The following BABAM2 variants were observed in gnomAD, a reference collection of about 807,000 sequenced individuals.
BABAM2 encodes BRISC and BRCA1 A complex member 2.
A neutral mutation model predicts 54.7 loss-of-function variants in BABAM2; 31 were observed. That is an observed-to-expected ratio of 0.57 (90% CI 0.43 to 0.77). The LOEUF (loss-of-function observed/expected upper bound fraction) is 0.77, where lower values mean the gene tolerates loss of function less well. Ranked by LOEUF, BABAM2 falls within the 30% of genes least tolerant of loss-of-function variation. The pLI is 0.00. For missense variants in BABAM2, 364 were observed against 455.8 expected, an observed-to-expected ratio of 0.80 and a Z score of 1.83; for synonymous variants, 167 against 162.9, an observed-to-expected ratio of 1.03 and a Z score of -0.19.
At chr2:28,072,165 T>C (rs1181421979) in intron 6 of BABAM2, among the ~76,000 whole-genome samples, 1 of 151,950 alleles carries the variant, frequency 6.6e-6, no homozygotes, top group Non-Finnish European at 1.5e-5. Flanking sequence ...GGATTACAGA[T>C]GTGAGCCTGG....
rs147578101 is a variant in BABAM2 at position 28,026,045 on chromosome 2, CCAGTTAGA to C, written c.495+626_495+633del. On this transcript the variant is annotated intron_variant, in intron 5 of 11. Transcript: ENST00000379624. Reference sequence around the variant, plus strand: ...AATCACAATGAGATACCATCTCACACCAGTTAGAATGGCCATAATTAAAAAGTCAGGAA... The same window carrying C: ...AATCACAATGAGATACCATCTCACACATGGCCATAATTAAAAAGTCAGGAA... Among the ~76,000 whole-genome samples the C allele has an allele frequency of 1.2e-3, 184 of 152,170 alleles. 1 individual carries two copies. The East Asian group carries it at 0.022, about 18-fold the overall frequency.
At chr2:28,196,646 C>A (rs1426489432) in intron 7 of BABAM2, among the ~76,000 whole-genome samples, 1 of 151,904 alleles carries the variant, frequency 6.6e-6, no homozygotes, top group Non-Finnish European at 1.5e-5. Context: ...AGTTTGAGAC[C>A]AGCCTTGGCA....
chr2:27,913,468 CT>C (rs1478085714), intron 2 of BABAM2, among the ~76,000 whole-genome samples: 2 of 152,110 alleles, frequency 1.3e-5, no homozygotes, highest in Non-Finnish European at 2.9e-5. Flanking sequence ...ATTGGAGATA[CT>C]GTTTTTTAAA....
chr2:27,996,614 A>G (rs1673162471), intron 4 of BABAM2, among the ~76,000 whole-genome samples: 1 of 152,206 alleles, frequency 6.6e-6, no homozygotes, highest in Admixed American at 6.5e-5. Flanking sequence ...AGAATTCATC[A>G]AAGTCTTGAG....
chr2:28,099,495 A>G (rs1666891565), intron 6 of BABAM2, among the ~76,000 whole-genome samples: 1 of 152,182 alleles, frequency 6.6e-6, no homozygotes, highest in African/African-American at 2.4e-5. Context: ...GTGATGAATT[A>G]TATTGTTTTC....
chr2:28,080,518 G>A (rs939398129), intron 6 of BABAM2, among the ~76,000 whole-genome samples: 2 of 152,104 alleles, frequency 1.3e-5, no homozygotes, highest in Non-Finnish European at 2.9e-5. Flanking sequence ...TGAGAGAGAT[G>A]GTAGGTACTC....
At chr2:28,156,592 C>T (rs1400792715) in intron 7 of BABAM2, among the ~76,000 whole-genome samples, 2 of 151,974 alleles carry the variant, frequency 1.3e-5, no homozygotes, top group African/African-American at 2.4e-5. Context: ...AGTTATCCTA[C>T]AAAATAATTA....
intron 10 of BABAM2, among the ~76,000 whole-genome samples, chr2:28,260,299 CTTTTTTT>C (rs965855673): frequency 6.6e-4 from 80 of 120,422 alleles, no homozygotes; most frequent in Non-Finnish European, 8.6e-4. Flanking sequence ...TATTTCTTTT[CTTTTTTT>C]TTTTTTTTTT....
intron 6 of BABAM2, among the ~76,000 whole-genome samples, chr2:28,067,333 A>G (rs551967675): frequency 7.9e-5 from 12 of 152,346 alleles, no homozygotes; most frequent in African/African-American, 2.9e-4. Context: ...CTTGAATGTT[A>G]TTAATATATT....
Position 28,206,516 on chromosome 2 carries a change from T to G in BABAM2, c.681-30686T>G, listed in dbSNP as rs567650610. 3.9e-5 allele frequency among the ~76,000 whole-genome samples: 6 copies of G among 152,248 alleles called. No individual in the cohort carries two copies. In the South Asian group the frequency reaches 1.2e-3, roughly 32 times the overall value. Reference sequence around the variant, plus strand: ...GAGGCTTAGTTTTTCTTCCGGGTTCTTGATGGTGGTGATGATGTTACTGAC... The same window carrying G: ...GAGGCTTAGTTTTTCTTCCGGGTTCGTGATGGTGGTGATGATGTTACTGAC... On this transcript the variant is annotated intron_variant, in intron 7 of 11. Coordinates refer to ENST00000379624, the MANE Select transcript of BABAM2 (RefSeq NM_199191.3).
At chr2:28,026,884 AT>A (rs1675808310) in intron 5 of BABAM2, among the ~76,000 whole-genome samples, 1 of 50,950 alleles carries the variant, frequency 2.0e-5, no homozygotes, top group South Asian at 6.3e-4. Context: ...TTATATATAT[AT>A]AGATATATAT....
At chr2:28,176,303 C>T (rs1325620582) in intron 7 of BABAM2, among the ~76,000 whole-genome samples, 1 of 152,018 alleles carries the variant, frequency 6.6e-6, no homozygotes, top group Non-Finnish European at 1.5e-5. Context: ...GGCACGGTGA[C>T]TCATGCCTGT....
chr2:28,253,619 A>T (rs1683695441), intron 10 of BABAM2, among the ~76,000 whole-genome samples: 1 of 152,130 alleles, frequency 6.6e-6, no homozygotes. Flanking sequence ...AAACTACATT[A>T]CTCTGCTGTT....
chr2:27,963,115 G>C (rs1196926289), intron 3 of BABAM2, among the ~76,000 whole-genome samples: 2 of 152,188 alleles, frequency 1.3e-5, no homozygotes, highest in African/African-American at 4.8e-5. Flanking sequence ...TCTGGTTGAA[G>C]AAATTGTGGA....
At chr2:28,042,901 G>A (rs912288546) in intron 5 of BABAM2, among the ~76,000 whole-genome samples, 174 of 151,904 alleles carry the variant, frequency 1.1e-3, no homozygotes, top group African/African-American at 3.8e-3. Flanking sequence ...GCGGGCGCCT[G>A]TAGTCCCAGC....
chr2:27,934,989 A>T (rs2148364103), intron 3 of BABAM2, among the ~76,000 whole-genome samples: 1 of 152,352 alleles, frequency 6.6e-6, no homozygotes, highest in East Asian at 1.9e-4. Flanking sequence ...ATTCAGATCT[A>T]GCTAAGATCA....
intron 7 of BABAM2, among the ~76,000 whole-genome samples, chr2:28,225,677 G>A (rs754817770): frequency 1.9e-4 from 29 of 151,486 alleles, no homozygotes; most frequent in Admixed American, 9.2e-4. Flanking sequence ...CTCAAGCTTC[G>A]TTCAAAATCA....
chr2:27,927,514 C>T (rs1238261761), intron 2 of BABAM2, among the ~76,000 whole-genome samples: 2 of 152,076 alleles, frequency 1.3e-5, no homozygotes, highest in East Asian at 1.9e-4. Flanking sequence ...TGCTCATTAC[C>T]GTCATTAGAT....
At chr2:28,198,571 C>G (rs1677888822) in intron 7 of BABAM2, among the ~76,000 whole-genome samples, 1 of 152,164 alleles carries the variant, frequency 6.6e-6, no homozygotes, top group African/African-American at 2.4e-5. Flanking sequence ...ATTGTTGGTA[C>G]CTGAGGTACC....
Sources: allele counts gnomAD v4.1 joint callset (sites outside exome capture counted in the v4.1 genomes callset), GRCh38; gene constraint gnomAD v4.1.1; transcripts MANE v1.5; gene names NCBI Gene and HGNC (gene_info 2026-07-23, HGNC 2026-07-21).